TTC29: variants seen among roughly 807,000 people sequenced by gnomAD.
The protein encoded by TTC29 is tetratricopeptide repeat protein 29.
In TTC29, 49 loss-of-function variants were observed where a neutral mutation model predicts 58.1. That is an observed-to-expected ratio of 0.84 (90% CI 0.67 to 1.07). The LOEUF is 1.07. TTC29 is among the 50% of genes least tolerant of loss of function. TTC29 has a pLI of 0.00. For synonymous variants in TTC29, 209 were observed against 196.8 expected, an observed-to-expected ratio of 1.06 and a Z score of -0.52; for missense variants, 582 against 555.6, an observed-to-expected ratio of 1.05 and a Z score of -0.48.
chr4:146,877,060 T>C (rs1321489845), intron 6 of TTC29, among the ~76,000 whole-genome samples: 1 of 152,142 alleles, frequency 6.6e-6, no homozygotes, highest in African/African-American at 2.4e-5. Flanking sequence ...CAGACTTGTT[T>C]ATAAATTTAT....
chr4:146,770,951 T>C (rs1261493034), intron 11 of TTC29, among the ~76,000 whole-genome samples: 3 of 152,128 alleles, frequency 2.0e-5, no homozygotes, highest in Admixed American at 6.6e-5. Context: ...TTGCTTAGCA[T>C]AGGGCCTAAC....
intron 6 of TTC29, among the ~76,000 whole-genome samples, chr4:146,901,439 C>T (rs1042081102): frequency 2.0e-5 from 3 of 152,102 alleles, no homozygotes; most frequent in African/African-American, 4.8e-5. Flanking sequence ...GAAATTAACA[C>T]GTATTTGGAG....
chr4:146,716,866 A>G (rs890239613), intron 11 of TTC29, among the ~76,000 whole-genome samples: 1 of 152,200 alleles, frequency 6.6e-6, no homozygotes, highest in African/African-American at 2.4e-5. Context: ...ATTTAAAACA[A>G]TGACAGTGAG....
rs1480676195 is a variant in TTC29, at chr4:146,883,805, G to C, written c.587-8877C>G. Among the ~76,000 whole-genome samples the C allele has an allele frequency of 3.3e-5, 5 of 151,712 alleles. No homozygotes were observed. In the East Asian group the frequency reaches 7.7e-4, roughly 23 times the overall value. On this transcript the variant is annotated intron_variant, in intron 6 of 12. Transcript: ENST00000325106. ...AAGCAGTAAATAATTAAAACACCCTGAAAAAGACAGGTAAAATACAAGCAG... is the reference window on the plus strand; with the variant it reads ...AAGCAGTAAATAATTAAAACACCCTCAAAAAGACAGGTAAAATACAAGCAG...
rs1465614131 is a variant in TTC29 at position 146,728,777 on chromosome 4, ATATATGTG to A, written c.1331-21234_1331-21227del. On this transcript the variant is annotated intron_variant, in intron 11 of 12. Transcript: ENST00000325106. ...GATATATGTACATATATATACACATATATATGTGTATATATACGTATATATACACATAT... is the reference window on the plus strand; with the variant it reads ...GATATATGTACATATATATACACATATATATATACGTATATATACACATAT... 5.8e-5 allele frequency among the ~76,000 whole-genome samples: 7 copies of A among 120,380 alleles called. No individual in the cohort carries two copies. The Admixed American group carries it at 6.2e-4, about 11-fold the overall frequency. The allele number at this position is 120,380 out of a possible 152,430, so 79.0% of individuals were successfully genotyped here.
At chr4:146,862,915 G>A (rs1730331006) in intron 8 of TTC29, among the ~76,000 whole-genome samples, 1 of 152,224 alleles carries the variant, frequency 6.6e-6, no homozygotes, top group South Asian at 2.1e-4. Flanking sequence ...AAGGTCAGGA[G>A]ATGGAGACCA....
chr4:146,904,111 T>C (rs1224081484), intron 5 of TTC29, among the ~76,000 whole-genome samples: 1 of 152,128 alleles, frequency 6.6e-6, no homozygotes, highest in African/African-American at 2.4e-5. Context: ...TGAAAGTACT[T>C]AGAGATTCTA....
intron 11 of TTC29, among the ~76,000 whole-genome samples, chr4:146,711,468 C>G (rs547303638): frequency 1.3e-5 from 2 of 152,056 alleles, no homozygotes; most frequent in Non-Finnish European, 2.9e-5. Context: ...TTAGCTACGC[C>G]GGTCCTGCCA....
rs547961768 is a variant in TTC29 at position 146,846,369 on chromosome 4, T to C, written c.886-12472A>G. Among the ~76,000 whole-genome samples the C allele has an allele frequency of 6.8e-4, 103 of 152,238 alleles. 1 individual carries two copies. The highest frequency in any genetic ancestry group is 2.4e-3 in the African/African-American group (100 of 41,542). The stretch of plus-strand genomic sequence containing the variant: ...ATTATGCTAAGTGTGGACCGGTGGG[T>C]CAGAGACTGAACCACGTTACAATAG... On this transcript the variant is annotated intron_variant, in intron 8 of 12. Transcript: ENST00000325106.
At chr4:146,907,084 T>C (rs1014471051) in intron 5 of TTC29, among the ~76,000 whole-genome samples, 10 of 152,208 alleles carry the variant, frequency 6.6e-5, no homozygotes, top group African/African-American at 1.9e-4. Flanking sequence ...ATCACATCAC[T>C]GTACTCCAGC....
intron 11 of TTC29, among the ~76,000 whole-genome samples, chr4:146,739,698 G>T (rs1744982653): frequency 6.6e-6 from 1 of 152,130 alleles, no homozygotes; most frequent in Admixed American, 6.6e-5. Context: ...TGTGTAGGCT[G>T]TCTTTTATAT....
At chr4:146,944,918 G>A (rs1433175063) in intron 2 of TTC29, 113 bp downstream of exon 2, 1 of 152,072 alleles carries the variant, frequency 6.6e-6, no homozygotes, top group African/African-American at 2.4e-5. Context: ...TAGATAGGTT[G>A]TTTAGTAAAA....
Position 146,775,765 on chromosome 4 carries a change from G to C in TTC29, c.1330+27692C>G, listed in dbSNP as rs573191221. ...TTGTCTTGTATAATATCTTGCAGGG[G>C]TTCTCTGCATTTCCTGAATTTGAAT... On this transcript the variant is annotated intron_variant, in intron 11 of 12. Transcript: ENST00000325106. 5.9e-5 allele frequency among the ~76,000 whole-genome samples: 9 copies of C among 152,108 alleles called. No homozygotes were observed. In the East Asian group the frequency reaches 1.5e-3, roughly 26 times the overall value.
At chr4:146,926,607 TGC>T (rs1197080797) in intron 4 of TTC29, among the ~76,000 whole-genome samples, 2 of 151,914 alleles carry the variant, frequency 1.3e-5, no homozygotes, top group Admixed American at 6.6e-5. Context: ...GGATTACAGG[TGC>T]GTGCCACCAT....
intron 11 of TTC29, among the ~76,000 whole-genome samples, chr4:146,802,983 T>C (rs1750338751): frequency 6.6e-6 from 1 of 152,178 alleles, no homozygotes; most frequent in Non-Finnish European, 1.5e-5. Flanking sequence ...GGCAAAAAAG[T>C]AGAATTGAGA....
intron 6 of TTC29, among the ~76,000 whole-genome samples, chr4:146,890,851 G>A (rs10015242): frequency 0.097 from 14,767 of 152,044 alleles, 894 homozygotes; most frequent in East Asian, 0.19. Context: ...TCTGTTTTTT[G>A]TTTTTTGCTT....
intron 4 of TTC29, among the ~76,000 whole-genome samples, chr4:146,928,361 TTAAA>T (rs1735079530): frequency 6.6e-6 from 1 of 152,166 alleles, no homozygotes. Context: ...TTTTTGTGAA[TTAAA>T]TGAATGAATA....
intron 11 of TTC29, among the ~76,000 whole-genome samples, chr4:146,729,891 C>T (rs1002366519): frequency 6.6e-6 from 1 of 151,940 alleles, no homozygotes; most frequent in Non-Finnish European, 1.5e-5. Flanking sequence ...CCACCATGAC[C>T]CTCCCTCGAT....
intron 11 of TTC29, among the ~76,000 whole-genome samples, chr4:146,788,303 A>G (rs2150098492): frequency 6.6e-6 from 1 of 152,344 alleles, no homozygotes; most frequent in Admixed American, 6.5e-5. Flanking sequence ...TGGCTAAGGG[A>G]TGGGGAGAAT....
Sources: allele counts gnomAD v4.1 joint callset (sites outside exome capture counted in the v4.1 genomes callset), GRCh38; gene constraint gnomAD v4.1.1; transcripts MANE v1.5; gene names NCBI Gene and HGNC (gene_info 2026-07-23, HGNC 2026-07-21).